Variants in INHBA observed in about 807,000 individuals in gnomAD.
The protein encoded by INHBA is inhibin subunit beta A, also known as inhibin beta A chain.
In INHBA, 1 loss-of-function variant was observed where a neutral mutation model predicts 29.0. The ratio of observed to expected loss-of-function variants is 0.03; its 90% confidence interval spans 0.01 to 0.16. The LOEUF is 0.16. INHBA is among the 10% of genes least tolerant of loss of function. The probability of loss-of-function intolerance (pLI) is 1.00; values close to 1 mark genes in which losing one functional copy is unlikely to be tolerated. For synonymous variants in INHBA, 242 were observed against 216.8 expected (o/e 1.12, Z -1.02); for missense variants, 376 against 545.4 (o/e 0.69, Z 3.09).
chr7:41,704,696 C>T (rs553982569), upstream of INHBA, among the ~76,000 whole-genome samples: 3 of 148,450 alleles, frequency 2.0e-5, no homozygotes, highest in African/African-American at 7.5e-5. Flanking sequence ...CAAAACAAAC[C>T]CAGATCAGAT....
At chr7:41,703,568 T>C (rs1794843102), upstream of INHBA, among the ~76,000 whole-genome samples, 1 of 152,156 alleles carries the variant, frequency 6.6e-6, no homozygotes. Context: ...AGCTATTTCA[T>C]TGAGGAAAAA....
chr7:41,703,519 T>A (rs1043425338), upstream of INHBA, among the ~76,000 whole-genome samples: 1 of 152,184 alleles, frequency 6.6e-6, no homozygotes, highest in Non-Finnish European at 1.5e-5. Flanking sequence ...AAATTGGTAG[T>A]GTTCTTTATA....
At position 41,688,462 on chromosome 7, in the gene INHBA, A is replaced by G. The variant is rs1794431570; in HGVS notation, c.*1188T>C. The stretch of plus-strand genomic sequence containing the variant: ...GACTCATTGATGGTGAATGATACCA[A>G]CCACAGACAGACTGTTTAAAGGCTC... On this transcript the variant is annotated 3_prime_UTR_variant, in exon 3 of 3. Coordinates refer to ENST00000242208, the MANE Select transcript of INHBA (RefSeq NM_002192.4). 1 of 152,120 alleles carries G rather than the reference A, an allele frequency of 6.6e-6. No individual in the cohort carries two copies. Among genetic ancestry groups the G allele is most frequent in the Non-Finnish European group, 1.5e-5 (1 of 68,016 alleles). The allele number at this position is 152,120 out of a possible 1,614,324, so 9.4% of individuals were successfully genotyped here.
chr7:41,703,352 G>T (rs539936347), upstream of INHBA, among the ~76,000 whole-genome samples: 57 of 152,290 alleles, frequency 3.7e-4, 2 homozygotes, highest in South Asian at 0.012. Context: ...GAATCAAATA[G>T]ATATGTCTCA....
chr7:41,700,624 T>C (rs1016956499), intron 1 of INHBA, 107 bp from the exon 2 acceptor site: 6 of 175,828 alleles, frequency 3.4e-5, no homozygotes, highest in Non-Finnish European at 7.0e-5. Context: ...GTTCTGACTG[T>C]CTCCGAGTAA....
intron 2 of INHBA, among the ~76,000 whole-genome samples, chr7:41,693,205 G>C (rs1404743140): frequency 6.6e-6 from 1 of 152,216 alleles, no homozygotes; most frequent in Non-Finnish European, 1.5e-5. Context: ...CTAGGAAAGA[G>C]TGTAAAACTG....
At chr7:41,690,624 G>A in intron 2 of INHBA, 82 bp from the exon 3 acceptor site, 1 of 1,443,752 alleles carries the variant, frequency 6.9e-7, no homozygotes, top group Non-Finnish European at 9.1e-7. Context: ...TTTCAGGCAA[G>A]CAGGAGTCTT....
At chr7:41,692,003 GCAA>G (rs1794534992) in intron 2 of INHBA, 3 of 152,194 alleles carry the variant, frequency 2.0e-5, no homozygotes, top group Non-Finnish European at 4.4e-5. Flanking sequence ...GTTGAATTTA[GCAA>G]CCACTCAGTT....
chr7:41,690,559 G>A lies in INHBA; in HGVS notation c.389-17C>T, dbSNP rs767364949. The A allele has an allele frequency of 6.4e-7, 1 of 1,556,552 alleles. No individual in the cohort carries two copies. Among genetic ancestry groups the A allele is most frequent in the Non-Finnish European group, 8.6e-7 (1 of 1,156,682 alleles). On this transcript the variant is annotated splice_polypyrimidine_tract_variant and intron_variant, in intron 2 of 2. Coordinates refer to ENST00000242208, the MANE Select transcript of INHBA (RefSeq NM_002192.4). ...TGGCTGTTCCTGAAGATGAAAGACA[G>A]CATAAGAGAAAACAGGCACACCTGT...
chr7:41,693,028 G>A (rs1296481613), intron 2 of INHBA, among the ~76,000 whole-genome samples: 1 of 152,182 alleles, frequency 6.6e-6, no homozygotes, highest in African/African-American at 2.4e-5. Context: ...GGGCACATCT[G>A]CCTTGCCCCA....
At chr7:41,700,756 GA>G (rs1794765538) in intron 1 of INHBA, 1 of 175,136 alleles carries the variant, frequency 5.7e-6, no homozygotes, top group Non-Finnish European at 1.2e-5. Flanking sequence ...AGAGAGGAGA[GA>G]GGGGGAGAGA....
rs996563855 is a variant in INHBA at position 41,689,528 on chromosome 7, T to G, written c.*122A>C. ...ATTTACTTTTGTTTTTTTTTGTTTT[T>G]TTTTTTGTTTTGTTTTTAATTTCTA... On this transcript the variant is annotated 3_prime_UTR_variant, in exon 3 of 3. Coordinates refer to ENST00000242208, the MANE Select transcript of INHBA (RefSeq NM_002192.4). 3.4e-5 allele frequency: 28 copies of G among 819,632 alleles called. No homozygotes were observed. Among genetic ancestry groups the G allele is most frequent in the South Asian group, 1.8e-4 (5 of 28,186 alleles). 50.8% of individuals were successfully genotyped at this position (819,632 alleles called of 1,614,324 possible). A position where few individuals can be genotyped will look rare whatever the true frequency, so the allele number is the denominator to read the frequency against.
chr7:41,700,082 T>C lies in INHBA; in HGVS notation c.293A>G (p.Asn98Ser). The C allele has an allele frequency of 1.2e-6, 2 of 1,613,812 alleles. No individual in the cohort carries two copies. The highest frequency in any genetic ancestry group is 1.3e-5 in the African/African-American group (1 of 74,964). ...GTCATCCTCTATCTCCACATACCCG[T>C]TCTCCCCGACTTTGCCCACATGAAG... ...RKLHVGKVGE[N>S]GYVEIEDDIG... Residue 98 changes from asparagine (N) to serine (S), a missense_variant, in exon 2 of 3, where the codon AAC becomes AGC. This residue lies in a region of INHBA where 253 missense variants were observed against 313.4 expected (regional missense o/e 0.81). Coordinates refer to ENST00000242208, the MANE Select transcript of INHBA (RefSeq NM_002192.4).
chr7:41,703,556 T>C (rs372074096), upstream of INHBA, among the ~76,000 whole-genome samples: 3 of 152,154 alleles, frequency 2.0e-5, no homozygotes, highest in East Asian at 5.8e-4. Context: ...ATTTTTAAAA[T>C]AAGCTATTTC....
chr7:41,695,644 C>G lies in INHBA; in HGVS notation c.388+4343G>C, dbSNP rs561411423. Among the ~76,000 whole-genome samples the G allele has an allele frequency of 9.2e-5, 14 of 152,306 alleles. 1 individual carries two copies. The South Asian group carries it at 2.9e-3, about 32-fold the overall frequency. ...TTATAAATGCCCTGGCACAAACGTC[C>G]ATCATCCATGCCTCTTCCATTAAAG... is the stretch of plus-strand genomic sequence containing the variant. On this transcript the variant is annotated intron_variant, in intron 2 of 2. Coordinates refer to ENST00000242208, the MANE Select transcript of INHBA (RefSeq NM_002192.4).
rs1316814689 is a variant in INHBA, at chr7:41,700,232, G to T, written c.143C>A (p.Pro48His). 2 of 1,613,514 alleles carry T rather than the reference G, an allele frequency of 1.2e-6. No homozygotes were observed. The highest frequency in any genetic ancestry group is 1.7e-6 in the Non-Finnish European group (2 of 1,179,612). ...CTCCACCATCTCTGGCTGAGAGTTG[G>T]GTACATCCTTTGGGAGGGCGGCCAG... ...CALAALPKDV[P>H]NSQPEMVEAV... is the part of the protein sequence containing the mutation. The change falls in exon 2 of 3, where the codon CCC (proline) becomes CAC (histidine). Residue 48 changes from proline to histidine, a missense_variant. By Grantham distance (77) the Pro-to-His change is moderately conservative. Around this residue, in one of 4 missense-constraint regions of INHBA, gnomAD observed 71 missense variants for 77.0 expected, o/e 0.92. Transcript: ENST00000242208.
Position 41,700,043 on chromosome 7 carries a change from G to A in INHBA, c.332C>T (p.Ala111Val). The A allele has an allele frequency of 6.2e-7, 1 of 1,604,748 alleles. No individual in the cohort carries two copies. Among genetic ancestry groups the A allele is most frequent in the Non-Finnish European group, 8.5e-7 (1 of 1,178,890 alleles). The change falls in exon 2 of 3, where the codon GCA becomes GTA. Residue 111 changes from alanine (A) to valine (V), a missense_variant. Around this residue, in one of 4 missense-constraint regions of INHBA, gnomAD observed 253 missense variants for 313.4 expected, o/e 0.81. Coordinates refer to ENST00000242208, the MANE Select transcript of INHBA (RefSeq NM_002192.4). Reference protein sequence around the residue: ...VEIEDDIGRRAEMNELMEQTS... With the variant: ...VEIEDDIGRRVEMNELMEQTS... ...CTGCTCCATAAGTTCATTCATTTCTGCCCTCCTTCCAATGTCATCCTCTAT... is the reference window on the plus strand; with the variant it reads ...CTGCTCCATAAGTTCATTCATTTCTACCCTCCTTCCAATGTCATCCTCTAT...
chr7:41,689,339 C>A lies in INHBA; in HGVS notation c.*311G>T. The A allele has an allele frequency of 3.2e-6, 1 of 313,418 alleles. No homozygotes were observed. Among genetic ancestry groups the A allele is most frequent in the Non-Finnish European group, 5.8e-6 (1 of 171,736 alleles). The allele number at this position is 313,418 out of a possible 1,614,324, so 19.4% of individuals were successfully genotyped here. On this transcript the variant is annotated 3_prime_UTR_variant, in exon 3 of 3. Coordinates refer to ENST00000242208, the MANE Select transcript of INHBA (RefSeq NM_002192.4). The stretch of plus-strand genomic sequence containing the variant: ...CTCAAGGGGGGAAAGGACAATACCC[C>A]GTTTAAACAACTGATGTCATCAGTG...
rs189052446 is a variant in INHBA at position 41,700,452 on chromosome 7, T to A, written c.-78A>T. 1,237 of 1,313,108 alleles carry A rather than the reference T, an allele frequency of 9.4e-4. 2 individuals are homozygous for A. Among genetic ancestry groups the A allele is most frequent in the African/African-American group, 7.3e-3 (496 of 67,530 alleles). 81.3% of individuals were successfully genotyped at this position (1,313,108 alleles called of 1,614,324 possible). ...CCCCCCTCACGCGCAGGTTTTTTTG[T>A]GTGTGTGGATTTTTTTATTTTTTTT... On this transcript the variant is annotated 5_prime_UTR_variant, in exon 2 of 3. Transcript: ENST00000242208.
Sources: gnomAD v4.1 joint callset for allele counts (sites outside exome capture counted in the v4.1 genomes callset) on GRCh38, gnomAD v4.1.1 for gene constraint, gnomAD v4.1.1 regional missense constraint, MANE v1.5 for transcripts, NCBI Gene and HGNC (gene_info 2026-07-23, HGNC 2026-07-21) for gene names.